The following SHROOM3 variants were observed in gnomAD, a reference collection of about 807,000 sequenced individuals.
SHROOM3 encodes protein Shroom3.
In SHROOM3, 47 loss-of-function variants were observed where a neutral mutation model predicts 138.6. The observed-to-expected ratio is 0.34, with a 90% CI of 0.27 to 0.43. The LOEUF (loss-of-function observed/expected upper bound fraction) is 0.43. Ranked by LOEUF, SHROOM3 falls within the 20% of genes least tolerant of loss-of-function variation. SHROOM3 has a pLI of 1.00. For missense variants in SHROOM3, 2,491 were observed against 2,596.5 expected (o/e 0.96, Z 0.88); for synonymous variants, 1,062 against 1,063.3 (o/e 1.00, Z 0.02).
chr4:76,462,579 G>A (rs1218036799), intron 1 of SHROOM3, among the ~76,000 whole-genome samples: 1 of 152,090 alleles, frequency 6.6e-6, no homozygotes, highest in Non-Finnish European at 1.5e-5. Flanking sequence ...TGGATTATGG[G>A]GGTGGATTTT....
At chr4:76,438,330 G>A (rs1172271181) in intron 1 of SHROOM3, among the ~76,000 whole-genome samples, 1 of 152,096 alleles carries the variant, frequency 6.6e-6, no homozygotes, top group Admixed American at 6.5e-5. Flanking sequence ...TAAGAAGCAG[G>A]GAAGAGGGAA....
At chr4:76,450,914 C>A (rs1192208287) in intron 1 of SHROOM3, among the ~76,000 whole-genome samples, 1 of 151,372 alleles carries the variant, frequency 6.6e-6, no homozygotes, top group African/African-American at 2.4e-5. Context: ...TAGTAAACCA[C>A]AAAGTAAATT....
At chr4:76,465,191 T>C (rs1043701689) in intron 1 of SHROOM3, among the ~76,000 whole-genome samples, 1 of 152,270 alleles carries the variant, frequency 6.6e-6, no homozygotes, top group African/African-American at 2.4e-5. Flanking sequence ...TACATATGTA[T>C]GTATGCATAC....
chr4:76,439,801 A>G (rs1232394790), intron 1 of SHROOM3, among the ~76,000 whole-genome samples: 2 of 152,260 alleles, frequency 1.3e-5, no homozygotes, highest in African/African-American at 2.4e-5. Flanking sequence ...TAAATGAGGC[A>G]GGAGAATGAA....
intron 2 of SHROOM3, among the ~76,000 whole-genome samples, chr4:76,607,319 C>T (rs939631134): frequency 2.6e-5 from 4 of 152,304 alleles, no homozygotes; most frequent in Admixed American, 2.0e-4. Context: ...TTCACTCCCA[C>T]ACTCTGAGGA....
At chr4:76,568,855 A>T (rs2110036913) in intron 2 of SHROOM3, among the ~76,000 whole-genome samples, 1 of 152,264 alleles carries the variant, frequency 6.6e-6, no homozygotes, top group Middle Eastern at 3.4e-3. Context: ...ATCTGATAGA[A>T]TTTGGTTTAC....
intron 1 of SHROOM3, among the ~76,000 whole-genome samples, chr4:76,550,464 TA>T: frequency 6.6e-6 from 1 of 152,192 alleles, no homozygotes; most frequent in South Asian, 2.1e-4. Context: ...CCTGGGTTGA[TA>T]AGGAGACATT....
chr4:76,708,875 A>G (rs962151740), intron 2 of SHROOM3, among the ~76,000 whole-genome samples: 1 of 152,182 alleles, frequency 6.6e-6, no homozygotes, highest in African/African-American at 2.4e-5. Context: ...CATAACCTCA[A>G]CCAATTTTCA....
At chr4:76,649,874 A>G (rs566738237) in intron 2 of SHROOM3, among the ~76,000 whole-genome samples, 41 of 152,308 alleles carry the variant, frequency 2.7e-4, no homozygotes, top group Non-Finnish European at 5.7e-4. Flanking sequence ...GGGCAGCCAT[A>G]ACAAAATACC....
At position 76,778,861 on chromosome 4, in the gene SHROOM3, G is replaced by A. The variant is rs367812609; in HGVS notation, c.5675G>A (p.Arg1892Gln). The change falls in exon 11 of 11, where the codon CGG (arginine) becomes CAG (glutamine). Residue 1892 changes from arginine to glutamine, a missense_variant. This residue lies in a region of SHROOM3 where 470 missense variants were observed against 595.0 expected (regional missense o/e 0.79). Coordinates refer to ENST00000296043, the MANE Select transcript of SHROOM3 (RefSeq NM_020859.4). ...CTGGCTGGTCAGCATGAGGATGCCC[G>A]GGAGCTGAAGGAGAACCTGGATCGC... ...KILAGQHEDA[R>Q]ELKENLDRRE... is the part of the protein sequence containing the mutation. 52 of 1,612,722 alleles carry A rather than the reference G, an allele frequency of 3.2e-5. 1 individual carries two copies. The highest frequency in any genetic ancestry group is 2.9e-4 in the South Asian group (26 of 91,018).
intron 2 of SHROOM3, among the ~76,000 whole-genome samples, chr4:76,661,098 A>C (rs1009582676): frequency 1.3e-5 from 2 of 152,108 alleles, no homozygotes; most frequent in African/African-American, 4.8e-5. Context: ...TACCTGGCTT[A>C]ATTTGTTTTT....
At chr4:76,550,065 CA>C (rs1374468448) in intron 1 of SHROOM3, among the ~76,000 whole-genome samples, 1 of 151,958 alleles carries the variant, frequency 6.6e-6, no homozygotes, top group Non-Finnish European at 1.5e-5. Flanking sequence ...AGAAAGAATC[CA>C]GCCTAATTTT....
At chr4:76,702,188 A>C (rs1040020773) in intron 2 of SHROOM3, among the ~76,000 whole-genome samples, 2 of 152,242 alleles carry the variant, frequency 1.3e-5, no homozygotes, top group African/African-American at 4.8e-5. Context: ...AAAGCCCAGT[A>C]ATCCTAAAAG....
At chr4:76,502,712 G>A (rs35470234) in intron 1 of SHROOM3, among the ~76,000 whole-genome samples, 26,800 of 152,112 alleles carry the variant, frequency 0.18, 2,746 homozygotes, top group African/African-American at 0.27. Context: ...CATGTTTGCT[G>A]CTACAATATC....
intron 2 of SHROOM3, among the ~76,000 whole-genome samples, chr4:76,624,611 T>C (rs1431727430): frequency 6.6e-6 from 1 of 152,168 alleles, no homozygotes; most frequent in Admixed American, 6.5e-5. Context: ...GGCGACTCTC[T>C]GTTACGTTTT....
In SHROOM3 at chr4:76,710,277, C is replaced by T. The variant is rs1390412179; in HGVS notation, c.445C>T (p.Leu149=). Residue 149 remains leucine (L), a synonymous_variant, in exon 3 of 11, where the codon CTG becomes TTG. Transcript: ENST00000296043. ...GTGGTCAGGAGGGGTTAAACTTCGGCTGAAGCACAGGTAAGACGCACGGAA... is the reference window on the plus strand; with the variant it reads ...GTGGTCAGGAGGGGTTAAACTTCGGTTGAAGCACAGGTAAGACGCACGGAA... ...AAWSGGVKLR[L]KHRRSEPAGR... 6.2e-7 allele frequency: 1 copy of T among 1,613,920 alleles called. No homozygotes were observed. The highest frequency in any genetic ancestry group is 2.2e-5 in the East Asian group (1 of 44,872).
intron 1 of SHROOM3, among the ~76,000 whole-genome samples, chr4:76,500,554 C>A (rs1732068540): frequency 6.6e-6 from 1 of 152,044 alleles, no homozygotes. Flanking sequence ...AGTGGTTATA[C>A]CATTTTTTTT....
intron 6 of SHROOM3, 142 bp from the exon 7 acceptor site, chr4:76,754,169 G>A: frequency 2.8e-6 from 3 of 1,067,210 alleles, no homozygotes; most frequent in Non-Finnish European, 4.3e-6. Context: ...AGCAGCCAGG[G>A]AAGACAGTGT....
chr4:76,594,637 A>G (rs1734344307), intron 2 of SHROOM3, among the ~76,000 whole-genome samples: 1 of 152,244 alleles, frequency 6.6e-6, no homozygotes, highest in South Asian at 2.1e-4. Flanking sequence ...TTAATAAATC[A>G]CATTGCATTG....
Sources: gnomAD v4.1 joint callset for allele counts (sites outside exome capture counted in the v4.1 genomes callset) on GRCh38, gnomAD v4.1.1 for gene constraint, gnomAD v4.1.1 regional missense constraint, MANE v1.5 for transcripts, NCBI Gene and HGNC (gene_info 2026-07-23, HGNC 2026-07-21) for gene names.